The following LRRIQ1 variants were observed in gnomAD, a reference collection of about 807,000 sequenced individuals.
LRRIQ1 encodes the protein leucine rich repeats and IQ motif containing 1, also known as leucine-rich repeat- and IQ domain-containing protein 1.
LRRIQ1 carries 210 observed loss-of-function variants against 211.9 expected under a neutral mutation model. The observed-to-expected ratio is 0.99, with a 90% CI of 0.89 to 1.11. The LOEUF (loss-of-function observed/expected upper bound fraction) is 1.11. LRRIQ1 is among the 50% of genes most tolerant of loss of function. LRRIQ1 has a pLI of 0.00. For synonymous variants in LRRIQ1, 699 were observed against 650.1 expected (o/e 1.08, Z -1.14); for missense variants, 2,136 against 1,939.5 (o/e 1.10, Z -1.90).
chr12:85,039,854 G>C (rs953257775), intron 2 of LRRIQ1, among the ~76,000 whole-genome samples: 1 of 151,522 alleles, frequency 6.6e-6, no homozygotes, highest in Admixed American at 6.6e-5. Context: ...GATGCTTCAA[G>C]TATTTTGTTG....
At chr12:85,263,360 CT>C (rs1896350446) in exon 2 of LRRIQ1, 1 of 151,932 alleles carries the variant, frequency 6.6e-6, no homozygotes, top group East Asian at 1.9e-4. Context: ...TTCCAGATAG[CT>C]TTTGTTACCA....
Position 85,229,566 on chromosome 12 carries a change from A to G in LRRIQ1, c.4872A>G (p.Leu1624=). 2 of 1,612,636 alleles carry G rather than the reference A, an allele frequency of 1.2e-6. No homozygotes were observed. The highest frequency in any genetic ancestry group is 1.7e-4 in the Middle Eastern group (1 of 6,058). The change falls in exon 25 of 27, where the codon TTA becomes TTG. Residue 1624 remains leucine, a synonymous_variant. Transcript: ENST00000393217. ...IHKDTTANEK[L]ERNREYTYQW... is the part of the protein sequence containing the mutation. ...AAGATACCACTGCAAATGAAAAATT[A>G]GAACGGAATAGAGAATATACATACC...
At chr12:85,094,689 G>A (rs1885710021) in intron 11 of LRRIQ1, among the ~76,000 whole-genome samples, 1 of 152,096 alleles carries the variant, frequency 6.6e-6, no homozygotes, top group Non-Finnish European at 1.5e-5. Context: ...TGTTATATCT[G>A]TAAACTCCTT....
chr12:85,125,663 A>G lies in LRRIQ1; in HGVS notation c.4007+1144A>G, dbSNP rs572341898. ...TGGGAGCTAGGTTAAGTAATTTGAT[A>G]TGCTGAAACTAACTTGTTTCCTAAT... On this transcript the variant is annotated intron_variant, in intron 17 of 26. Coordinates refer to ENST00000393217, the MANE Select transcript of LRRIQ1 (RefSeq NM_001079910.2). Among the ~76,000 whole-genome samples the G allele has an allele frequency of 3.5e-4, 53 of 152,286 alleles. No homozygotes were observed. In the South Asian group the frequency reaches 0.011, roughly 32 times the overall value.
At chr12:85,101,984 T>C (rs1886382720) in intron 13 of LRRIQ1, among the ~76,000 whole-genome samples, 1 of 151,698 alleles carries the variant, frequency 6.6e-6, no homozygotes, top group Non-Finnish European at 1.5e-5. Flanking sequence ...TTCTGAATGG[T>C]TTAATATGCC....
chr12:85,242,755 A>G (rs1035559522), intron 26 of LRRIQ1, among the ~76,000 whole-genome samples: 14 of 151,848 alleles, frequency 9.2e-5, no homozygotes, highest in African/African-American at 2.9e-4. Flanking sequence ...TGAAATTTCT[A>G]GGTTTGCTTT....
intron 17 of LRRIQ1, among the ~76,000 whole-genome samples, chr12:85,125,375 A>G (rs574068667): frequency 6.6e-6 from 1 of 152,268 alleles, no homozygotes; most frequent in Non-Finnish European, 1.5e-5. Flanking sequence ...CCTTATAACC[A>G]TTAAATAATT....
rs769800435 is a variant in LRRIQ1 at position 85,066,794 on chromosome 12, G to A, written c.2591G>A (p.Cys864Tyr). The A allele has an allele frequency of 6.9e-6, 11 of 1,600,516 alleles. No homozygotes were observed. Among genetic ancestry groups the A allele is most frequent in the African/African-American group, 5.4e-5 (4 of 74,226 alleles). The stretch of plus-strand genomic sequence containing the variant: ...GAGTGTGAAAATTTGGAAAATCTCT[G>A]TGTTGTTCTTCTTAATAAAAATCAA... Reference protein sequence around the residue: ...AIECENLENLCVVLLNKNQLT... With the variant: ...AIECENLENLYVVLLNKNQLT... The change falls in exon 10 of 27, where the codon TGT (cysteine) becomes TAT (tyrosine). Residue 864 changes from cysteine (C) to tyrosine (Y), a missense_variant. Physicochemically the swap from Cys to Tyr is radical, Grantham distance 194. Coordinates refer to ENST00000393217, the MANE Select transcript of LRRIQ1 (RefSeq NM_001079910.2).
At chr12:85,096,630 TC>T (rs1885901018) in intron 11 of LRRIQ1, among the ~76,000 whole-genome samples, 2 of 151,566 alleles carry the variant, frequency 1.3e-5, no homozygotes, top group Non-Finnish European at 1.5e-5. Context: ...GAATGTATAT[TC>T]TGTGGTTTAT....
intron 24 of LRRIQ1, among the ~76,000 whole-genome samples, chr12:85,175,932 G>A (rs1300139609): frequency 6.6e-6 from 1 of 152,154 alleles, no homozygotes; most frequent in Non-Finnish European, 1.5e-5. Context: ...TTTGAAGTCA[G>A]GTAGTGTGAT....
At chr12:85,152,515 G>GT in intron 20 of LRRIQ1, 146 bp downstream of exon 20, 1 of 492,108 alleles carries the variant, frequency 2.0e-6, no homozygotes, top group Admixed American at 4.0e-5. Context: ...ATCCCCAGAT[G>GT]TAATTTTTCA....
chr12:85,167,672 C>G (rs892409033), intron 24 of LRRIQ1, among the ~76,000 whole-genome samples: 5 of 152,142 alleles, frequency 3.3e-5, no homozygotes, highest in African/African-American at 1.2e-4. Flanking sequence ...CTGCCTTTCC[C>G]TGTTTACTGA....
At chr12:85,135,815 A>C (rs1889088591) in intron 18 of LRRIQ1, among the ~76,000 whole-genome samples, 1 of 119,578 alleles carries the variant, frequency 8.4e-6, no homozygotes, top group Non-Finnish European at 1.8e-5. Context: ...TTTGACATAC[A>C]TTTTGCCCCA....
chr12:85,216,263 G>A (rs1194543373), intron 24 of LRRIQ1, among the ~76,000 whole-genome samples: 1 of 152,080 alleles, frequency 6.6e-6, no homozygotes, highest in Non-Finnish European at 1.5e-5. Flanking sequence ...GTGAGAACAT[G>A]CAGTATTTGG....
chr12:85,257,836 CT>C (rs1227090555), intron 1 of LRRIQ1, among the ~76,000 whole-genome samples: 1 of 150,476 alleles, frequency 6.6e-6, no homozygotes, highest in African/African-American at 2.4e-5. Flanking sequence ...TTAGTGAAGA[CT>C]TTTTTTTTAG....
chr12:85,219,801 A>T (rs1894314450), intron 24 of LRRIQ1, among the ~76,000 whole-genome samples: 1 of 152,116 alleles, frequency 6.6e-6, no homozygotes, highest in Non-Finnish European at 1.5e-5. Context: ...AAGAATAGGG[A>T]TGTTGCTTGT....
chr12:85,132,730 C>G (rs186528723), intron 18 of LRRIQ1, among the ~76,000 whole-genome samples: 510 of 151,286 alleles, frequency 3.4e-3, no homozygotes, highest in Admixed American at 7.8e-3. Flanking sequence ...CCACTGCATT[C>G]CAGCCTAGGT....
At chr12:85,185,989 A>T (rs888754127) in intron 24 of LRRIQ1, among the ~76,000 whole-genome samples, 1 of 152,046 alleles carries the variant, frequency 6.6e-6, no homozygotes, top group Admixed American at 6.6e-5. Context: ...AGTATAATGT[A>T]CTTTATACTT....
chr12:85,142,195 T>C (rs1889589492), intron 19 of LRRIQ1, among the ~76,000 whole-genome samples: 1 of 151,496 alleles, frequency 6.6e-6, no homozygotes, highest in Admixed American at 6.6e-5. Flanking sequence ...TCTGAAGATA[T>C]TGGCTTCCTA....
Sources: allele counts gnomAD v4.1 joint callset (sites outside exome capture counted in the v4.1 genomes callset), GRCh38; gene constraint gnomAD v4.1.1; transcripts MANE v1.5; gene names NCBI Gene and HGNC (gene_info 2026-07-23, HGNC 2026-07-21).